Variants in SYT1 observed in about 807,000 individuals in gnomAD.
SYT1 encodes synaptotagmin-1.
Under a neutral mutation model 44.8 loss-of-function variants are expected in SYT1, and 8 were observed. That is an observed-to-expected ratio of 0.18 (90% CI 0.10 to 0.32). SYT1 has a LOEUF of 0.32. Ranked by LOEUF, SYT1 falls within the 10% of genes least tolerant of loss-of-function variation. SYT1 has a pLI of 1.00. For synonymous variants in SYT1, 154 were observed against 188.8 expected (o/e 0.82, Z 1.51); for missense variants, 286 against 509.3 (o/e 0.56, Z 4.22).
At chr12:78,900,564 G>A (rs960299674) in intron 1 of SYT1, among the ~76,000 whole-genome samples, 24 of 152,042 alleles carry the variant, frequency 1.6e-4, no homozygotes, top group African/African-American at 5.8e-4. Flanking sequence ...TGTTCCAAGG[G>A]AGAGAGCTGA....
At chr12:78,959,220 T>C (rs996421959) in intron 1 of SYT1, among the ~76,000 whole-genome samples, 1 of 152,152 alleles carries the variant, frequency 6.6e-6, no homozygotes, top group African/African-American at 2.4e-5. Flanking sequence ...ATACAGCATG[T>C]ATATACGTAA....
intron 8 of SYT1, among the ~76,000 whole-genome samples, chr12:79,311,776 G>C (rs1217168790): frequency 2.1e-5 from 3 of 144,690 alleles, no homozygotes; most frequent in Admixed American, 7.0e-5. Context: ...GGACAAAAAA[G>C]CAAACACCGC....
At chr12:79,023,651 T>C (rs558883243) in intron 2 of SYT1, among the ~76,000 whole-genome samples, 6 of 152,022 alleles carry the variant, frequency 3.9e-5, no homozygotes. Flanking sequence ...AATACATTCA[T>C]TATTATTACA....
intron 3 of SYT1, among the ~76,000 whole-genome samples, chr12:79,133,822 A>G (rs563063186): frequency 1.3e-5 from 2 of 152,338 alleles, no homozygotes; most frequent in South Asian, 4.1e-4. Flanking sequence ...AAAATTATCA[A>G]CACAATTTCA....
chr12:78,895,835 C>T (rs1875329311), intron 1 of SYT1, among the ~76,000 whole-genome samples: 1 of 151,598 alleles, frequency 6.6e-6, no homozygotes, highest in Admixed American at 6.6e-5. Flanking sequence ...GGAGTTTCAA[C>T]CTAGAGAAAC....
intron 3 of SYT1, among the ~76,000 whole-genome samples, chr12:79,179,487 A>C (rs1477138733): frequency 9.7e-5 from 11 of 113,122 alleles, no homozygotes; most frequent in Non-Finnish European, 1.5e-4. Context: ...AGAGATATAG[A>C]TATATCTATA....
chr12:78,922,345 C>T (rs1189778964), intron 1 of SYT1, among the ~76,000 whole-genome samples: 1 of 151,784 alleles, frequency 6.6e-6, no homozygotes, highest in South Asian at 2.1e-4. Flanking sequence ...TGCAAGACCT[C>T]GCTTCAACCC....
intron 2 of SYT1, among the ~76,000 whole-genome samples, chr12:79,035,468 T>C (rs547221047): frequency 3.4e-4 from 51 of 151,874 alleles, no homozygotes; most frequent in African/African-American, 1.1e-3. Flanking sequence ...TATGTATCTG[T>C]TTTATCTCAA....
chr12:79,266,617 C>T (rs1189635115), intron 4 of SYT1, among the ~76,000 whole-genome samples: 1 of 152,110 alleles, frequency 6.6e-6, no homozygotes, highest in African/African-American at 2.4e-5. Context: ...AGGGAAGTCC[C>T]TTCAGACGCA....
chr12:78,918,902 C>T (rs1411767397), intron 1 of SYT1, among the ~76,000 whole-genome samples: 1 of 151,940 alleles, frequency 6.6e-6, no homozygotes, highest in Non-Finnish European at 1.5e-5. Flanking sequence ...TATTAAATTT[C>T]AGTGCAGTAT....
chr12:79,427,487 T>C (rs1284799274), intron 9 of SYT1, among the ~76,000 whole-genome samples: 2 of 152,216 alleles, frequency 1.3e-5, no homozygotes, highest in East Asian at 1.9e-4. Context: ...GCTAAAGATA[T>C]GGTGGGAAGA....
intron 2 of SYT1, among the ~76,000 whole-genome samples, chr12:79,037,369 G>T (rs910831012): frequency 1.2e-4 from 18 of 150,824 alleles, no homozygotes; most frequent in Non-Finnish European, 1.3e-4. Context: ...TAATTATTTT[G>T]AGTATAATGA....
intron 9 of SYT1, among the ~76,000 whole-genome samples, chr12:79,375,489 G>T (rs1883958086): frequency 6.6e-6 from 1 of 152,202 alleles, no homozygotes; most frequent in African/African-American, 2.4e-5. Flanking sequence ...GATTTAAGCA[G>T]GGAGTTTGTG....
At chr12:78,922,492 TAAA>T (rs1381161712) in intron 1 of SYT1, among the ~76,000 whole-genome samples, 2 of 151,832 alleles carry the variant, frequency 1.3e-5, no homozygotes, top group Non-Finnish European at 2.9e-5. Context: ...TTTGGAAAAT[TAAA>T]AAAATTCTCA....
intron 2 of SYT1, among the ~76,000 whole-genome samples, chr12:78,999,423 G>A (rs1280239042): frequency 6.6e-6 from 1 of 152,126 alleles, no homozygotes; most frequent in Non-Finnish European, 1.5e-5. Context: ...GAGACTAATA[G>A]TGCTGACCAA....
intron 3 of SYT1, among the ~76,000 whole-genome samples, chr12:79,086,156 T>A (rs190332827): frequency 1.3e-5 from 2 of 152,150 alleles, no homozygotes; most frequent in African/African-American, 4.8e-5. Context: ...AATAAAGTGA[T>A]CTGTGATCAA....
intron 8 of SYT1, among the ~76,000 whole-genome samples, chr12:79,347,651 T>C (rs528791512): frequency 2.6e-4 from 40 of 152,284 alleles, no homozygotes; most frequent in Non-Finnish European, 3.4e-4. Context: ...ACCTGACTTA[T>C]TCAGTTGTAA....
intron 3 of SYT1, among the ~76,000 whole-genome samples, chr12:79,064,735 A>G (rs979182270): frequency 3.3e-5 from 5 of 151,736 alleles, no homozygotes; most frequent in South Asian, 2.1e-4. Context: ...TTTTTGGTCT[A>G]TGAAACAGAT....
At chr12:79,122,646 G>A (rs776437474) in intron 3 of SYT1, among the ~76,000 whole-genome samples, 9 of 151,266 alleles carry the variant, frequency 5.9e-5, no homozygotes, top group Admixed American at 2.0e-4. Context: ...AATGTGATGA[G>A]TAAGACACAT....
Sources: gnomAD v4.1 joint callset for allele counts (sites outside exome capture counted in the v4.1 genomes callset) on GRCh38, gnomAD v4.1.1 for gene constraint, MANE v1.5 for transcripts, NCBI Gene and HGNC (gene_info 2026-07-23, HGNC 2026-07-21) for gene names.